Variants in ABCC5 observed in about 807,000 individuals in gnomAD.
The protein encoded by ABCC5 is ATP-binding cassette sub-family C member 5.
A neutral mutation model predicts 160.9 loss-of-function variants in ABCC5; 61 were observed. The observed-to-expected ratio is 0.38, with a 90% CI of 0.31 to 0.47. The LOEUF (loss-of-function observed/expected upper bound fraction) is 0.47. Ranked by LOEUF, ABCC5 falls within the 20% of genes least tolerant of loss-of-function variation. The probability of loss-of-function intolerance (pLI) is 0.99; values close to 1 mark genes in which losing one functional copy is unlikely to be tolerated. For synonymous variants in ABCC5, 666 were observed against 700.6 expected, an observed-to-expected ratio of 0.95 and a Z score of 0.78; for missense variants, 1,308 against 1,813.3, an observed-to-expected ratio of 0.72 and a Z score of 5.06.
intron 17 of ABCC5, among the ~76,000 whole-genome samples, chr3:183,957,768 G>A (rs534357660): frequency 6.6e-6 from 1 of 150,642 alleles, no homozygotes; most frequent in Admixed American, 6.6e-5. Context: ...ATATCACATC[G>A]GTTACACGTA....
intron 10 of ABCC5, chr3:183,972,147 T>C: frequency 1.3e-6 from 1 of 765,526 alleles, no homozygotes; most frequent in Non-Finnish European, 2.2e-6. Context: ...GACCCAATAT[T>C]CCACATGACA....
chr3:183,933,219 C>T (rs1357594819), intron 26 of ABCC5, among the ~76,000 whole-genome samples: 1 of 144,560 alleles, frequency 6.9e-6, no homozygotes, highest in Non-Finnish European at 1.5e-5. Flanking sequence ...GAGAAGGCAC[C>T]TGAAGAAGAA....
Position 183,982,866 on chromosome 3 carries a change from G to T in ABCC5, c.733C>A (p.Arg245=), listed in dbSNP as rs1397754759. 1 of 1,614,162 alleles carries T rather than the reference G, an allele frequency of 6.2e-7. No homozygotes were observed. The highest frequency in any genetic ancestry group is 1.3e-5 in the African/African-American group (1 of 75,016). The part of the protein sequence containing the change: ...SLALTWALNY[R]TGVRLRGAIL... ...GCCCCCCGCAAGCGGACACCGGTTC[G>T]GTAATTCAATGCCCAAGTCAGTGCA... The change falls in exon 6 of 30, where the codon CGA becomes AGA. Residue 245 remains arginine (R), a synonymous_variant. Coordinates refer to ENST00000334444, the MANE Select transcript of ABCC5 (RefSeq NM_005688.4). This position sits in a 1 kb window ranked among gnomAD's most constrained non-coding sequence, Gnocchi z 5.2.
chr3:183,977,598 A>G lies in ABCC5; in HGVS notation c.1323T>C (p.Asn441=). ...AQAFTVVTVF[N]SMTFALKVTP... The stretch of plus-strand genomic sequence containing the variant: ...TTACTTTCAAAGCAAAAGTCATGGA[A>G]TTGAAGACTGTCACCACTGTGAAAG... Residue 441 remains asparagine (N), a synonymous_variant, in exon 10 of 30, where the codon AAT becomes AAC. Coordinates refer to ENST00000334444, the MANE Select transcript of ABCC5 (RefSeq NM_005688.4). 6.2e-7 allele frequency: 1 copy of G among 1,614,024 alleles called. No individual in the cohort carries two copies.
intron 28 of ABCC5, among the ~76,000 whole-genome samples, chr3:183,926,099 A>G (rs1446752611): frequency 3.4e-5 from 5 of 146,896 alleles, no homozygotes; most frequent in East Asian, 2.0e-4. Flanking sequence ...CGGCCTCCCA[A>G]AGTGCTGGGA....
intron 5 of ABCC5, chr3:183,984,551 A>C (rs1415070052): frequency 3.3e-6 from 4 of 1,226,988 alleles, no homozygotes; most frequent in Non-Finnish European, 4.1e-6. Context: ...CCAGATGTCC[A>C]CTAGGTCCTA....
intron 2 of ABCC5, among the ~76,000 whole-genome samples, chr3:184,008,118 C>T (rs985412523): frequency 1.1e-5 from 1 of 89,624 alleles, no homozygotes; most frequent in African/African-American, 6.2e-5. Context: ...ATGTAGAGTA[C>T]GTGTTGTGAG....
chr3:184,002,926 T>C (rs1403988391), intron 2 of ABCC5, among the ~76,000 whole-genome samples: 1 of 152,194 alleles, frequency 6.6e-6, no homozygotes, highest in Non-Finnish European at 1.5e-5. Flanking sequence ...AAAGGCTGCC[T>C]GCTCCTGTCT....
intron 1 of ABCC5, among the ~76,000 whole-genome samples, chr3:184,016,393 C>T (rs1455439807): frequency 6.6e-6 from 1 of 152,132 alleles, no homozygotes; most frequent in Non-Finnish European, 1.5e-5. Flanking sequence ...TGTCTGTGGC[C>T]TTGAACATAA....
intron 10 of ABCC5, among the ~76,000 whole-genome samples, chr3:183,977,034 T>C (rs1385238670): frequency 6.6e-6 from 1 of 152,256 alleles, no homozygotes; most frequent in Non-Finnish European, 1.5e-5. Flanking sequence ...GACCTAGTTT[T>C]ATGACTATTT....
In ABCC5 at chr3:183,922,072, A is replaced by G. The variant is rs1048409974; in HGVS notation, c.4213-671T>C. Among the ~76,000 whole-genome samples the G allele has an allele frequency of 2.6e-5, 3 of 116,816 alleles. No homozygotes were observed. The East Asian group carries it at 9.3e-4, about 36-fold the overall frequency. The allele number at this position is 116,816 out of a possible 152,430, so 76.6% of individuals were successfully genotyped here. A position where few individuals can be genotyped will look rare whatever the true frequency, so the allele number is the denominator to read the frequency against. On this transcript the variant is annotated intron_variant, in intron 29 of 29. Coordinates refer to ENST00000334444, the MANE Select transcript of ABCC5 (RefSeq NM_005688.4). ...AAATAAATAAATAAATAAATAAATA[A>G]ATAAATAAAAAACAACAGGCTGGGT...
chr3:183,985,763 C>A, intron 5 of ABCC5: 1 of 296,934 alleles, frequency 3.4e-6, no homozygotes, highest in Non-Finnish European at 6.7e-6. Flanking sequence ...CTATGACCCC[C>A]GGGCACCCTG....
At chr3:183,991,643 A>G (rs568199305) in intron 2 of ABCC5, among the ~76,000 whole-genome samples, 5 of 152,356 alleles carry the variant, frequency 3.3e-5, no homozygotes, top group African/African-American at 1.2e-4. Flanking sequence ...TGTCAAAGGC[A>G]AGTCAGACCA....
chr3:183,964,005 C>T (rs1717008250), intron 14 of ABCC5, among the ~76,000 whole-genome samples: 1 of 152,216 alleles, frequency 6.6e-6, no homozygotes, highest in Non-Finnish European at 1.5e-5. Flanking sequence ...CCCTTTGTCA[C>T]CCAGTTCCCC....
chr3:183,979,705 C>T (rs775705668), intron 8 of ABCC5, among the ~76,000 whole-genome samples: 5 of 151,812 alleles, frequency 3.3e-5, no homozygotes, highest in Non-Finnish European at 7.4e-5. Context: ...CTTAGCCTCC[C>T]AAGTAGCTGG....
chr3:184,010,165 G>A (rs1721595188), intron 2 of ABCC5, among the ~76,000 whole-genome samples: 1 of 151,498 alleles, frequency 6.6e-6, no homozygotes, highest in Non-Finnish European at 1.5e-5. Context: ...TGTTTAGGAG[G>A]CTGAGGCAGG....
intron 26 of ABCC5, among the ~76,000 whole-genome samples, chr3:183,933,883 T>C (rs552043879): frequency 4.6e-5 from 7 of 152,320 alleles, no homozygotes; most frequent in Admixed American, 4.6e-4. Context: ...CCACCCTCAA[T>C]ACTGGCTAAT....
intron 18 of ABCC5, among the ~76,000 whole-genome samples, chr3:183,952,655 G>A (rs755028716): frequency 6.6e-6 from 1 of 152,154 alleles, no homozygotes; most frequent in Non-Finnish European, 1.5e-5. Context: ...TCCCGCACAC[G>A]CTGTCTTGTC....
At position 183,937,973 on chromosome 3, in the gene ABCC5, A is replaced by G; in HGVS notation, c.3782T>C (p.Ile1261Thr). 1 of 1,614,200 alleles carries G rather than the reference A, an allele frequency of 6.2e-7. No homozygotes were observed. The highest frequency in any genetic ancestry group is 8.5e-7 in the Non-Finnish European group (1 of 1,180,032). ...IKIDGVRISD[I>T]GLADLRSKLS... ...TTTGCTTCGGAGGTCGGCAAGGCCA[A>G]TATCACTGATTCTCACTCCATCAAT... Residue 1261 changes from isoleucine (I) to threonine (T), a missense_variant, in exon 26 of 30, where the codon ATT becomes ACT. Coordinates refer to ENST00000334444, the MANE Select transcript of ABCC5 (RefSeq NM_005688.4).
Sources: allele counts gnomAD v4.1 joint callset (sites outside exome capture counted in the v4.1 genomes callset), GRCh38; gene constraint gnomAD v4.1.1; non-coding constraint Gnocchi (gnomAD v3.1); transcripts MANE v1.5; gene names NCBI Gene and HGNC (gene_info 2026-07-23, HGNC 2026-07-21).